PRKN: variants seen among roughly 807,000 people sequenced by gnomAD.
PRKN encodes the protein parkin RBR E3 ubiquitin protein ligase, also known as E3 ubiquitin-protein ligase parkin.
In PRKN, 56 loss-of-function variants were observed where a neutral mutation model predicts 59.5. That is an observed-to-expected ratio of 0.94 (90% CI 0.76 to 1.18). The LOEUF (loss-of-function observed/expected upper bound fraction) is 1.18. PRKN is among the 50% of genes most tolerant of loss of function. PRKN has a pLI of 0.00. For missense variants in PRKN, 657 were observed against 596.4 expected (o/e 1.10, Z -1.06); for synonymous variants, 250 against 222.1 (o/e 1.13, Z -1.12).
intron 6 of PRKN, among the ~76,000 whole-genome samples, chr6:161,897,192 C>T (rs756801482): frequency 2.6e-5 from 4 of 152,204 alleles, no homozygotes; most frequent in East Asian, 1.9e-4. Flanking sequence ...CAAGTGAACA[C>T]GTGGCATTCA....
chr6:162,196,422 T>C (rs1784499884), intron 4 of PRKN, among the ~76,000 whole-genome samples: 1 of 152,186 alleles, frequency 6.6e-6, no homozygotes, highest in African/African-American at 2.4e-5. Flanking sequence ...AATATGCACA[T>C]ATAAAACAAC....
intron 7 of PRKN, among the ~76,000 whole-genome samples, chr6:161,612,718 CAAAAAAAAAAAA>C (rs57084261): frequency 1.7e-5 from 1 of 59,630 alleles, no homozygotes; most frequent in African/African-American, 6.7e-5. Flanking sequence ...GACTCCATCT[CAAAAAAAAAAAA>C]AAAAAAAAAA....
chr6:162,711,069 C>T (rs1428169670), intron 1 of PRKN, among the ~76,000 whole-genome samples: 1 of 152,228 alleles, frequency 6.6e-6, no homozygotes, highest in Non-Finnish European at 1.5e-5. Flanking sequence ...GCCTGGTTCA[C>T]TGACAGTTTG....
At chr6:162,209,755 C>T (rs531795638) in intron 3 of PRKN, among the ~76,000 whole-genome samples, 1 of 152,282 alleles carries the variant, frequency 6.6e-6, no homozygotes, top group African/African-American at 2.4e-5. Context: ...GGCACATATA[C>T]ACCGTGGAAT....
chr6:161,472,353 G>GA (rs2115197397), intron 9 of PRKN, among the ~76,000 whole-genome samples: 1 of 152,018 alleles, frequency 6.6e-6, no homozygotes, highest in African/African-American at 2.4e-5. Flanking sequence ...AGCTTGAAAA[G>GA]AAAAATGGGT....
chr6:162,202,861 A>G (rs9355389), intron 3 of PRKN, among the ~76,000 whole-genome samples: 141,848 of 152,298 alleles, frequency 0.93, 66,066 homozygotes, highest in East Asian at 0.99. Context: ...TAAGAAGTGC[A>G]TAGAAGAAGA....
chr6:162,463,678 T>C (rs2128175190), intron 1 of PRKN, among the ~76,000 whole-genome samples: 1 of 152,198 alleles, frequency 6.6e-6, no homozygotes, highest in East Asian at 1.9e-4. Context: ...TCCAGCTCCC[T>C]GACCCAGGAA....
At chr6:162,187,323 T>C (rs1784071657) in intron 4 of PRKN, among the ~76,000 whole-genome samples, 1 of 152,178 alleles carries the variant, frequency 6.6e-6, no homozygotes, top group African/African-American at 2.4e-5. Flanking sequence ...GCCAATGAGA[T>C]AAAGTTTGCT....
rs545269935 is a variant in PRKN at position 161,442,044 on chromosome 6, G to A, written c.1084-55167C>T. Among the ~76,000 whole-genome samples, 84 of 152,306 alleles carry A rather than the reference G, an allele frequency of 5.5e-4. No individual in the cohort carries two copies. The highest frequency in any genetic ancestry group is 9.1e-4 in the Admixed American group (14 of 15,310). On this transcript the variant is annotated intron_variant, in intron 9 of 11. Coordinates refer to ENST00000366898, the MANE Select transcript of PRKN (RefSeq NM_004562.3). The surrounding 1 kb of genome is among the most constrained non-coding windows in gnomAD (Gnocchi z 4.6). ...AGAAGTTATAGAGACGATGTAAGAT[G>A]AAATACTGTTCAGTGGGCTAATGCA...
intron 4 of PRKN, among the ~76,000 whole-genome samples, chr6:162,174,332 C>T (rs1277588486): frequency 6.6e-6 from 1 of 152,108 alleles, no homozygotes; most frequent in Non-Finnish European, 1.5e-5. Context: ...ATAAAATTTG[C>T]CCACACGCTA....
intron 2 of PRKN, among the ~76,000 whole-genome samples, chr6:162,285,805 G>GA (rs1477712353): frequency 6.6e-6 from 1 of 152,152 alleles, no homozygotes; most frequent in African/African-American, 2.4e-5. Context: ...GGTATGACTA[G>GA]AAGAGATGTG....
chr6:161,813,727 G>C (rs1791655209), intron 6 of PRKN, among the ~76,000 whole-genome samples: 1 of 152,138 alleles, frequency 6.6e-6, no homozygotes, highest in Non-Finnish European at 1.5e-5. Context: ...CACATTTTCT[G>C]ACAGTGGCTT....
chr6:161,535,807 C>T (rs1779392142), intron 9 of PRKN, among the ~76,000 whole-genome samples: 1 of 152,102 alleles, frequency 6.6e-6, no homozygotes, highest in Admixed American at 6.5e-5. Context: ...GTGGAGCATC[C>T]CAGCTCCAGA....
intron 6 of PRKN, among the ~76,000 whole-genome samples, chr6:161,916,846 T>A (rs1778579289): frequency 6.6e-6 from 1 of 152,212 alleles, no homozygotes; most frequent in Non-Finnish European, 1.5e-5. Context: ...TCACCCAGGC[T>A]GGAATGCAGT....
At position 162,247,063 on chromosome 6, in the gene PRKN, T is replaced by G. The variant is rs550950275; in HGVS notation, c.412+15462A>C. On this transcript the variant is annotated intron_variant, in intron 3 of 11. Coordinates refer to ENST00000366898, the MANE Select transcript of PRKN (RefSeq NM_004562.3). The stretch of plus-strand genomic sequence containing the variant: ...TTTGAGTCACATTAATTGTTTTAGT[T>G]TTGCTACTTTAGGAGCCTGTAGCTC... Among the ~76,000 whole-genome samples the G allele has an allele frequency of 1.5e-3, 226 of 152,248 alleles. 2 individuals are homozygous for G. The highest frequency in any genetic ancestry group is 5.3e-3 in the African/African-American group (219 of 41,570).
intron 1 of PRKN, among the ~76,000 whole-genome samples, chr6:162,658,402 G>A (rs749456738): frequency 3.9e-5 from 6 of 152,148 alleles, no homozygotes; most frequent in South Asian, 4.1e-4. Flanking sequence ...CGGGCATGGC[G>A]GCTCACGCCA....
chr6:162,338,890 G>A (rs1166810458), intron 2 of PRKN, among the ~76,000 whole-genome samples: 36 of 146,122 alleles, frequency 2.5e-4, no homozygotes, highest in African/African-American at 8.8e-4. Context: ...TGTGGGGAGC[G>A]CCTCTGCCCC....
At chr6:162,710,202 A>T (rs533495453) in intron 1 of PRKN, among the ~76,000 whole-genome samples, 1 of 152,164 alleles carries the variant, frequency 6.6e-6, no homozygotes, top group Non-Finnish European at 1.5e-5. Context: ...GCTGCTTGAA[A>T]GCCACAGTAA....
rs4445038 is a variant in PRKN, at chr6:161,462,761, C to T, written c.1084-75884G>A. On this transcript the variant is annotated intron_variant, in intron 9 of 11. Transcript: ENST00000366898. The surrounding 1 kb of genome is among the most constrained non-coding windows in gnomAD (Gnocchi z 4.5). The stretch of plus-strand genomic sequence containing the variant: ...AATATCACCCTGTTTCTCTGGAGAA[C>T]GGTAGCAATAAAAACACACAGAATA... Among the ~76,000 whole-genome samples the T allele has an allele frequency of 4.4e-3, 665 of 152,254 alleles. 5 individuals are homozygous for T. The highest frequency in any genetic ancestry group is 0.015 in the African/African-American group (636 of 41,542).
Sources: gnomAD v4.1 joint callset for allele counts (sites outside exome capture counted in the v4.1 genomes callset) on GRCh38, gnomAD v4.1.1 for gene constraint, Gnocchi (gnomAD v3.1) non-coding constraint, MANE v1.5 for transcripts, NCBI Gene and HGNC (gene_info 2026-07-23, HGNC 2026-07-21) for gene names.